Variants in ST3GAL2 observed in about 807,000 individuals in gnomAD.
The protein encoded by ST3GAL2 is CMP-N-acetylneuraminate-beta-galactosamide-alpha-2,3-sialyltransferase 2.
ST3GAL2 carries 16 observed loss-of-function variants against 37.5 expected under a neutral mutation model. The observed-to-expected ratio is 0.43, with a 90% confidence interval of 0.29 to 0.65. The LOEUF (loss-of-function observed/expected upper bound fraction) is 0.65, where lower values mean the gene tolerates loss of function less well. Among genes scored for constraint, ST3GAL2 ranks in the 30% least tolerant of loss-of-function variants. ST3GAL2 has a pLI of 0.17. For missense variants in ST3GAL2, 383 were observed against 487.8 expected, an observed-to-expected ratio of 0.79 and a Z score of 2.02; for synonymous variants, 238 against 202.9, an observed-to-expected ratio of 1.17 and a Z score of -1.47.
rs56411094 is a variant in ST3GAL2 at position 70,410,191 on chromosome 16, A to ATT, written c.-1003-10660_-1003-10659dup. On this transcript the variant is annotated intron_variant, in intron 1 of 6. Coordinates refer to ENST00000342907, the MANE Select transcript of ST3GAL2 (RefSeq NM_006927.4). Reference sequence around the variant, plus strand: ...GTATTTTGTCTACTATTTTTTCTGTATTTTTTTTCTTTTCCTGACTTGGGT... The same window carrying ATT: ...GTATTTTGTCTACTATTTTTTCTGTATTTTTTTTTTCTTTTCCTGACTTGGGT... Among the ~76,000 whole-genome samples the ATT allele has an allele frequency of 1.7e-3, 208 of 120,898 alleles. 6 individuals are homozygous for ATT. The highest frequency in any genetic ancestry group is 5.8e-3 in the African/African-American group (193 of 33,026). 79.3% of individuals were successfully genotyped at this position (120,898 alleles called of 152,430 possible). A position where few individuals can be genotyped will look rare whatever the true frequency, so the allele number is the denominator to read the frequency against.
At chr16:70,384,150 GT>G (rs529325568) in intron 4 of ST3GAL2, among the ~76,000 whole-genome samples, 16 of 152,132 alleles carry the variant, frequency 1.1e-4, no homozygotes, top group South Asian at 8.3e-4. Flanking sequence ...TCAGGAAACT[GT>G]AACTCATTAC....
In ST3GAL2 at chr16:70,377,479, GAAAA is replaced by G. The variant is rs779676975; in HGVS notation, c.*4206_*4209del. On this transcript the variant is annotated 3_prime_UTR_variant, in exon 7 of 7. Transcript: ENST00000342907. ...TGGGCAATGGAGAGAGACTCCATCT[GAAAA>G]AAAAAAAAAAAAAAGAGAAAAGCCT... 8 of 86,882 alleles carry G rather than the reference GAAAA, an allele frequency of 9.2e-5. No homozygotes were observed. The South Asian group carries it at 1.3e-3, about 14-fold the overall frequency. The allele number at this position is 86,882 out of a possible 1,614,324, so 5.4% of individuals were successfully genotyped here.
chr16:70,427,490 C>A (rs1322310417), intron 1 of ST3GAL2, among the ~76,000 whole-genome samples: 3 of 152,102 alleles, frequency 2.0e-5, no homozygotes, highest in Non-Finnish European at 4.4e-5. Flanking sequence ...AGGCCCCCGC[C>A]ACCATGCCTG....
intron 1 of ST3GAL2, among the ~76,000 whole-genome samples, chr16:70,437,347 G>A (rs935471676): frequency 6.6e-6 from 1 of 152,106 alleles, no homozygotes; most frequent in African/African-American, 2.4e-5. Flanking sequence ...GGCTGGGAAG[G>A]GGGTTGCTGA....
intron 1 of ST3GAL2, among the ~76,000 whole-genome samples, chr16:70,435,750 C>T (rs939097514): frequency 4.0e-5 from 6 of 149,074 alleles, no homozygotes; most frequent in East Asian, 4.0e-4. Context: ...GCCGAGATCT[C>T]GCCATTGCAC....
chr16:70,382,837 C>T lies in ST3GAL2; in HGVS notation c.847G>A (p.Val283Met). ...CACACATGCAGGGCAAAGAAAAGCA[C>T]CAGCATCCCCGTGGAAGGGTACCGC... ...HGRYPSTGMLVLFFALHVCDE... is the reference protein window; with the variant it reads ...HGRYPSTGMLMLFFALHVCDE... The change falls in exon 6 of 7, where the codon GTG (valine) becomes ATG (methionine). Residue 283 changes from valine (V) to methionine (M), a missense_variant. Physicochemically the swap from Val to Met is conservative, Grantham distance 21. Coordinates refer to ENST00000342907, the MANE Select transcript of ST3GAL2 (RefSeq NM_006927.4). 6.2e-7 allele frequency: 1 copy of T among 1,614,148 alleles called. No homozygotes were observed. Among genetic ancestry groups the T allele is most frequent in the Non-Finnish European group, 8.5e-7 (1 of 1,180,016 alleles).
intron 1 of ST3GAL2, among the ~76,000 whole-genome samples, chr16:70,426,181 C>CTTTTT (rs56342720): frequency 3.6e-4 from 36 of 99,514 alleles, no homozygotes; most frequent in East Asian, 6.4e-4. Flanking sequence ...GGGCCAAAGC[C>CTTTTT]TTTTTTTTTT....
intron 3 of ST3GAL2, among the ~76,000 whole-genome samples, chr16:70,393,044 AC>A (rs1463496684): frequency 3.6e-5 from 5 of 139,454 alleles, no homozygotes; most frequent in African/African-American, 8.1e-5. Context: ...ACTCTATACC[AC>A]CCCCCTTCCT....
At chr16:70,422,989 G>A (rs1567676368) in intron 1 of ST3GAL2, 1 of 152,266 alleles carries the variant, frequency 6.6e-6, no homozygotes, top group Non-Finnish European at 1.5e-5. Flanking sequence ...CAAAGGAGGA[G>A]ACAGAGGGGG....
chr16:70,425,715 T>A (rs945513937), intron 1 of ST3GAL2, among the ~76,000 whole-genome samples: 2 of 151,590 alleles, frequency 1.3e-5, no homozygotes, highest in Non-Finnish European at 2.9e-5. Flanking sequence ...AGAGCGAAAC[T>A]CTGTCTCAAA....
At chr16:70,414,850 ATTATTTAT>A (rs144473226) in intron 1 of ST3GAL2, among the ~76,000 whole-genome samples, 375 of 149,842 alleles carry the variant, frequency 2.5e-3, no homozygotes, top group Non-Finnish European at 4.2e-3. Flanking sequence ...TTTTTCTATT[ATTATTTAT>A]TTATTTATTT....
intron 1 of ST3GAL2, among the ~76,000 whole-genome samples, chr16:70,406,546 C>G (rs2047593331): frequency 6.6e-6 from 1 of 151,462 alleles, no homozygotes; most frequent in African/African-American, 2.4e-5. Flanking sequence ...CTTTGGGATG[C>G]CGAGGGTGGC....
chr16:70,408,934 AAAAAT>A (rs1328274538), intron 1 of ST3GAL2, among the ~76,000 whole-genome samples: 1 of 145,626 alleles, frequency 6.9e-6, no homozygotes, highest in African/African-American at 2.6e-5. Context: ...AAAAGAAAGA[AAAAAT>A]AAAGAAACGG....
chr16:70,385,805 G>T (rs2047439056), intron 4 of ST3GAL2, among the ~76,000 whole-genome samples: 1 of 146,836 alleles, frequency 6.8e-6, no homozygotes, highest in Non-Finnish European at 1.5e-5. Flanking sequence ...CCGGGTTCAA[G>T]TGATCCGATC....
At chr16:70,404,890 G>C (rs1053521429) in intron 1 of ST3GAL2, among the ~76,000 whole-genome samples, 1 of 152,010 alleles carries the variant, frequency 6.6e-6, no homozygotes. Flanking sequence ...AAATTAGCTG[G>C]GCATGGCTGG....
intron 2 of ST3GAL2, 58 bp from the exon 3 acceptor site, chr16:70,395,233 G>A: frequency 6.5e-7 from 1 of 1,528,160 alleles, no homozygotes; most frequent in East Asian, 2.3e-5. Flanking sequence ...TGAAGAAGGA[G>A]GGGCCCCGGC....
chr16:70,385,322 CA>C (rs941395033), intron 4 of ST3GAL2, among the ~76,000 whole-genome samples: 13 of 151,676 alleles, frequency 8.6e-5, no homozygotes, highest in Non-Finnish European at 1.5e-4. Flanking sequence ...AACAAACAAA[CA>C]AAAAAGAATA....
rs142804037 is a variant in ST3GAL2, at chr16:70,389,029, G to A, written c.534-483C>T. ...GCAGAGATTGCAGTGAGCCGACATCGCACCACCGCACTCCAGCCTGGGTGA... is the reference window on the plus strand; with the variant it reads ...GCAGAGATTGCAGTGAGCCGACATCACACCACCGCACTCCAGCCTGGGTGA... On this transcript the variant is annotated intron_variant, in intron 3 of 6. Transcript: ENST00000342907. 8.4e-3 allele frequency among the ~76,000 whole-genome samples: 1,152 copies of A among 137,890 alleles called. 22 individuals are homozygous for A. Among genetic ancestry groups the A allele is most frequent in the African/African-American group, 0.029 (1,068 of 36,394 alleles). 90.5% of individuals were successfully genotyped at this position (137,890 alleles called of 152,430 possible).
chr16:70,405,337 C>T (rs1246501350), intron 1 of ST3GAL2, among the ~76,000 whole-genome samples: 4 of 151,656 alleles, frequency 2.6e-5, no homozygotes, highest in Non-Finnish European at 4.4e-5. Context: ...GTCAGGAGAT[C>T]GAGACCATCC....
Sources: gnomAD v4.1 joint callset for allele counts (sites outside exome capture counted in the v4.1 genomes callset) on GRCh38, gnomAD v4.1.1 for gene constraint, MANE v1.5 for transcripts, NCBI Gene and HGNC (gene_info 2026-07-23, HGNC 2026-07-21) for gene names.